Variants in MARCHF1 observed in about 807,000 individuals in gnomAD.
The protein encoded by MARCHF1 is membrane associated ring-CH-type finger 1, also known as E3 ubiquitin-protein ligase MARCHF1.
Under a neutral mutation model 54.2 loss-of-function variants are expected in MARCHF1, and 40 were observed. That is an observed-to-expected ratio of 0.74 (90% CI 0.57 to 0.96). MARCHF1 has a LOEUF of 0.96. Ranked by LOEUF, MARCHF1 falls within the 40% of genes least tolerant of loss-of-function variation. The pLI is 0.00. For synonymous variants in MARCHF1, 236 were observed against 236.3 expected (o/e 1.00, Z 0.01); for missense variants, 586 against 656.5 (o/e 0.89, Z 1.17).
intron 1 of MARCHF1, among the ~76,000 whole-genome samples, chr4:164,219,845 G>A (rs960245496): frequency 2.6e-5 from 4 of 151,932 alleles, no homozygotes; most frequent in Admixed American, 2.0e-4. Context: ...ATCCATGCCA[G>A]AATTACTTGT....
chr4:163,865,273 G>A (rs1389533687), intron 3 of MARCHF1, among the ~76,000 whole-genome samples: 1 of 151,820 alleles, frequency 6.6e-6, no homozygotes, highest in Non-Finnish European at 1.5e-5. Context: ...AGTAAAATAT[G>A]GGTTTACAGC....
At chr4:164,240,858 T>G (rs892374076) in intron 1 of MARCHF1, among the ~76,000 whole-genome samples, 2 of 151,990 alleles carry the variant, frequency 1.3e-5, no homozygotes, top group African/African-American at 2.4e-5. Flanking sequence ...ATTGTAAAAC[T>G]AATAAAAAGC....
intron 2 of MARCHF1, among the ~76,000 whole-genome samples, chr4:163,996,176 G>C (rs1462328480): frequency 6.6e-6 from 1 of 151,438 alleles, no homozygotes; most frequent in Non-Finnish European, 1.5e-5. Flanking sequence ...AAAAATCACA[G>C]GTATAATTAA....
chr4:163,963,182 C>T (rs377140679), intron 3 of MARCHF1, among the ~76,000 whole-genome samples: 1 of 151,902 alleles, frequency 6.6e-6, no homozygotes. Context: ...ACTGATTATA[C>T]ATCAGCCCTT....
At chr4:163,739,887 C>A (rs1445415516) in intron 4 of MARCHF1, among the ~76,000 whole-genome samples, 2 of 152,184 alleles carry the variant, frequency 1.3e-5, no homozygotes, top group African/African-American at 4.8e-5. Flanking sequence ...TCATTACACA[C>A]CTTACAGTGG....
At chr4:163,542,791 G>A (rs1290838926) in intron 9 of MARCHF1, among the ~76,000 whole-genome samples, 1 of 152,214 alleles carries the variant, frequency 6.6e-6, no homozygotes, top group African/African-American at 2.4e-5. Context: ...TGATGTTGTT[G>A]GTCCCAGGAC....
intron 2 of MARCHF1, among the ~76,000 whole-genome samples, chr4:164,076,807 T>C (rs987151169): frequency 6.6e-6 from 1 of 152,010 alleles, no homozygotes; most frequent in Non-Finnish European, 1.5e-5. Context: ...ATTCAATACC[T>C]AGGAATACAA....
intron 5 of MARCHF1, among the ~76,000 whole-genome samples, chr4:163,644,918 C>T (rs1411176833): frequency 6.6e-6 from 1 of 152,118 alleles, no homozygotes; most frequent in Admixed American, 6.6e-5. Flanking sequence ...TCACAGTGAC[C>T]TCCTAAGAGA....
intron 1 of MARCHF1, among the ~76,000 whole-genome samples, chr4:164,323,374 T>C (rs954161378): frequency 3.3e-5 from 5 of 151,688 alleles, no homozygotes; most frequent in African/African-American, 1.2e-4. Context: ...TAGGAAAATA[T>C]ACAGTCTGTA....
chr4:163,887,240 G>T (rs2111259172), intron 3 of MARCHF1, among the ~76,000 whole-genome samples: 1 of 152,088 alleles, frequency 6.6e-6, no homozygotes, highest in African/African-American at 2.4e-5. Context: ...TATGATTGGG[G>T]AGGAGAGGGG....
intron 1 of MARCHF1, among the ~76,000 whole-genome samples, chr4:164,343,739 A>C (rs1729992809): frequency 6.6e-6 from 1 of 152,210 alleles, no homozygotes; most frequent in Non-Finnish European, 1.5e-5. Flanking sequence ...GATGCTGATG[A>C]GGTTGCCGAG....
chr4:164,113,836 C>T (rs773936382), intron 1 of MARCHF1, among the ~76,000 whole-genome samples: 2 of 151,966 alleles, frequency 1.3e-5, no homozygotes, highest in Admixed American at 6.6e-5. Context: ...AAATACTGGA[C>T]TGCTTTGGTT....
At chr4:164,173,997 A>ATTT (rs763089360) in intron 1 of MARCHF1, among the ~76,000 whole-genome samples, 1 of 152,240 alleles carries the variant, frequency 6.6e-6, no homozygotes, top group Non-Finnish European at 1.5e-5. Context: ...ACAAAAGGTA[A>ATTT]TTACTCTGTA....
At chr4:163,536,961 G>A (rs1270220392) in intron 9 of MARCHF1, among the ~76,000 whole-genome samples, 4 of 152,102 alleles carry the variant, frequency 2.6e-5, no homozygotes, top group Admixed American at 1.3e-4. Context: ...AAAGCCATCT[G>A]AGTACAAACT....
At chr4:164,320,051 C>T (rs1035132087) in intron 1 of MARCHF1, among the ~76,000 whole-genome samples, 1 of 152,150 alleles carries the variant, frequency 6.6e-6, no homozygotes, top group Non-Finnish European at 1.5e-5. Flanking sequence ...CAATCTCTAT[C>T]ATATGTTTTT....
intron 1 of MARCHF1, among the ~76,000 whole-genome samples, chr4:164,146,696 A>ATG (rs1560926746): frequency 4.6e-5 from 7 of 151,748 alleles, no homozygotes; most frequent in African/African-American, 1.7e-4. Flanking sequence ...AGACTTAAAC[A>ATG]TTAGACCTAA....
At chr4:163,677,071 C>G (rs1036731437) in intron 5 of MARCHF1, among the ~76,000 whole-genome samples, 2 of 152,126 alleles carry the variant, frequency 1.3e-5, no homozygotes, top group Non-Finnish European at 2.9e-5. Context: ...GCCTATAATA[C>G]AAGCTCAAAA....
chr4:163,727,314 C>T (rs1191141983), intron 4 of MARCHF1, among the ~76,000 whole-genome samples: 8 of 143,712 alleles, frequency 5.6e-5, no homozygotes, highest in Admixed American at 2.8e-4. Context: ...TCTTTTTTTT[C>T]TTTTTTTTTT....
Position 164,196,764 on chromosome 4 carries a change from A to AT in MARCHF1, c.-322-85103dup, listed in dbSNP as rs200761395. Among the ~76,000 whole-genome samples the AT allele has an allele frequency of 2.7e-3, 411 of 152,148 alleles. 7 individuals carry two copies. Among genetic ancestry groups the AT allele is most frequent in the Non-Finnish European group, 5.0e-4 (34 of 67,990 alleles). ...ATCCCAGTTAATATTTACAAATATT[A>AT]TTTTATTTGGCAGTAAAAATAGTAT... On this transcript the variant is annotated intron_variant, in intron 1 of 9. Coordinates refer to ENST00000514618, the MANE Select transcript of MARCHF1 (RefSeq NM_001394959.1).
Sources: allele counts gnomAD v4.1 joint callset (sites outside exome capture counted in the v4.1 genomes callset), GRCh38; gene constraint gnomAD v4.1.1; transcripts MANE v1.5; gene names NCBI Gene and HGNC (gene_info 2026-07-23, HGNC 2026-07-21).